GRB10: variants seen among roughly 807,000 people sequenced by gnomAD.
GRB10 encodes the protein growth factor receptor-bound protein 10.
A neutral mutation model predicts 80.9 loss-of-function variants in GRB10; 20 were observed. The observed-to-expected ratio is 0.25, with a 90% CI of 0.17 to 0.36. The LOEUF (loss-of-function observed/expected upper bound fraction) is 0.36, where lower values mean the gene tolerates loss of function less well. Ranked by LOEUF, GRB10 falls within the 10% of genes least tolerant of loss-of-function variation. The probability of loss-of-function intolerance (pLI) is 1.00; values close to 1 mark genes in which losing one functional copy is unlikely to be tolerated. For missense variants in GRB10, 548 were observed against 747.7 expected, an observed-to-expected ratio of 0.73 and a Z score of 3.12; for synonymous variants, 291 against 291.5, an observed-to-expected ratio of 1.00 and a Z score of 0.02.
chr7:50,735,363 T>C (rs2070619222), intron 3 of GRB10, among the ~76,000 whole-genome samples: 1 of 152,242 alleles, frequency 6.6e-6, no homozygotes, highest in Non-Finnish European at 1.5e-5. Context: ...GATGAAATAC[T>C]ACCTAAAGCA....
intron 7 of GRB10, among the ~76,000 whole-genome samples, chr7:50,661,750 C>T (rs1348892394): frequency 6.6e-6 from 1 of 152,132 alleles, no homozygotes; most frequent in African/African-American, 2.4e-5. Context: ...GTCAGTGCGC[C>T]CCACATGTTG....
upstream of GRB10, among the ~76,000 whole-genome samples, chr7:50,783,500 C>CACACCACACACACACAT (rs1418533641): frequency 3.2e-3 from 493 of 151,738 alleles, 3 homozygotes; most frequent in Middle Eastern, 0.024. Flanking sequence ...CACATACATA[C>CACACCACACACACACAT]ACACCACACA....
intron 4 of GRB10, among the ~76,000 whole-genome samples, chr7:50,720,724 T>C (rs1283490822): frequency 6.6e-6 from 1 of 152,062 alleles, no homozygotes; most frequent in Non-Finnish European, 1.5e-5. Flanking sequence ...AATTACTCTG[T>C]ATGCTTTTAA....
intron 3 of GRB10, among the ~76,000 whole-genome samples, chr7:50,745,046 T>C (rs2072648597): frequency 6.6e-6 from 1 of 152,242 alleles, no homozygotes; most frequent in Admixed American, 6.5e-5. Context: ...ATTTTATGCA[T>C]TCATGACATA....
intron 5 of GRB10, among the ~76,000 whole-genome samples, chr7:50,696,567 G>A (rs899895109): frequency 6.6e-6 from 1 of 152,184 alleles, no homozygotes; most frequent in African/African-American, 2.4e-5. Context: ...AACTCTATCT[G>A]CTTTTGTACA....
At chr7:50,617,800 C>T (rs1321455701) in intron 10 of GRB10, 14 of 530,048 alleles carry the variant, frequency 2.6e-5, no homozygotes, top group South Asian at 2.5e-4. Context: ...TCAGCAGTGG[C>T]ATCACTGGAC....
At position 50,592,870 on chromosome 7, in the gene GRB10, G is replaced by A; in HGVS notation, c.*82C>T. The A allele has an allele frequency of 1.4e-6, 2 of 1,473,192 alleles. No individual in the cohort carries two copies. The highest frequency in any genetic ancestry group is 1.9e-6 in the Non-Finnish European group (2 of 1,053,614). The allele number at this position is 1,473,192 out of a possible 1,614,324, so 91.3% of individuals were successfully genotyped here. ...CTGGGTCCCCAGGTGCAGAATCGAT[G>A]TGTGTTCTTCACCAACGCACAGACC... On this transcript the variant is annotated 3_prime_UTR_variant, in exon 19 of 19. Transcript: ENST00000401949.
intron 7 of GRB10, among the ~76,000 whole-genome samples, chr7:50,646,437 A>G (rs1307496794): frequency 6.6e-6 from 1 of 152,246 alleles, no homozygotes; most frequent in Non-Finnish European, 1.5e-5. Flanking sequence ...CTAGAGTTGG[A>G]AACTGAGAAG....
chr7:50,772,433 A>G (rs908097771), intron 2 of GRB10, among the ~76,000 whole-genome samples: 2 of 152,242 alleles, frequency 1.3e-5, no homozygotes, highest in South Asian at 4.1e-4. Context: ...AGGGAATTAA[A>G]TATCTGTTAA....
chr7:50,683,736 CA>C (rs921828988), intron 5 of GRB10, among the ~76,000 whole-genome samples: 2 of 149,794 alleles, frequency 1.3e-5, no homozygotes, highest in Admixed American at 6.6e-5. Flanking sequence ...GACTCCATCT[CA>C]AAAAAAATAA....
At chr7:50,606,478 C>T (rs2048550260) in intron 13 of GRB10, 64 bp from the exon 14 acceptor site, 12 of 1,166,744 alleles carry the variant, frequency 1.0e-5, no homozygotes, top group Non-Finnish European at 1.4e-5. Flanking sequence ...ATGTGACAAA[C>T]GCCACAGCAG....
upstream of GRB10, among the ~76,000 whole-genome samples, chr7:50,784,093 G>A (rs529238879): frequency 5.3e-5 from 8 of 152,182 alleles, no homozygotes; most frequent in East Asian, 3.9e-4. Flanking sequence ...CTCACAGTCC[G>A]GGCTGACCAC....
chr7:50,708,801 G>C (rs565240527), intron 4 of GRB10, among the ~76,000 whole-genome samples: 1 of 150,368 alleles, frequency 6.7e-6, no homozygotes, highest in South Asian at 2.1e-4. Context: ...TCAGCCTCCC[G>C]AGTAGCTGGG....
At chr7:50,615,006 CAT>C (rs2050308701) in intron 11 of GRB10, 126 bp from the exon 12 acceptor site, 1 of 715,330 alleles carries the variant, frequency 1.4e-6, no homozygotes, top group African/African-American at 1.7e-5. Flanking sequence ...ATACATATTA[CAT>C]ATGATTATTA....
intron 13 of GRB10, among the ~76,000 whole-genome samples, chr7:50,611,419 A>G (rs2049507848): frequency 1.3e-5 from 2 of 152,248 alleles, no homozygotes; most frequent in Admixed American, 6.5e-5. Context: ...GGAGTGGTCT[A>G]TGATCTATGA....
intron 4 of GRB10, among the ~76,000 whole-genome samples, chr7:50,722,874 C>T (rs560442738): frequency 9.2e-5 from 14 of 152,150 alleles, no homozygotes; most frequent in African/African-American, 3.4e-4. Context: ...GTAAAGATAG[C>T]GCTCTCAGGA....
chr7:50,648,801 T>C (rs542242988), intron 7 of GRB10, among the ~76,000 whole-genome samples: 2 of 152,300 alleles, frequency 1.3e-5, no homozygotes, highest in South Asian at 2.1e-4. Flanking sequence ...CAGGTCCTTT[T>C]CTTTGAAGCT....
intron 11 of GRB10, among the ~76,000 whole-genome samples, chr7:50,615,677 A>G (rs1261083411): frequency 1.3e-5 from 2 of 152,234 alleles, no homozygotes; most frequent in Non-Finnish European, 2.9e-5. Context: ...ATATGTGGAC[A>G]GCACAAGAAG....
intron 7 of GRB10, among the ~76,000 whole-genome samples, chr7:50,650,118 C>A (rs926887759): frequency 3.3e-5 from 5 of 152,038 alleles, no homozygotes; most frequent in African/African-American, 4.8e-5. Flanking sequence ...CAGGAGACAG[C>A]GAAGGGATGA....
Sources: allele counts gnomAD v4.1 joint callset (sites outside exome capture counted in the v4.1 genomes callset), GRCh38; gene constraint gnomAD v4.1.1; transcripts MANE v1.5; gene names NCBI Gene and HGNC (gene_info 2026-07-23, HGNC 2026-07-21).